The following COL4A2 variants were observed in gnomAD, a reference collection of about 807,000 sequenced individuals.
COL4A2 encodes the protein collagen type IV alpha 2 chain, also known as collagen alpha-2(IV) chain.
COL4A2 carries 99 observed loss-of-function variants against 200.2 expected under a neutral mutation model. The ratio of observed to expected loss-of-function variants is 0.49; its 90% CI spans 0.42 to 0.58. The LOEUF (loss-of-function observed/expected upper bound fraction) is 0.58. COL4A2 is among the 20% of genes least tolerant of loss of function. The pLI, the probability that COL4A2 is intolerant of heterozygous loss-of-function variation, is 0.00. For synonymous variants in COL4A2, 897 were observed against 900.6 expected (o/e 1.00, Z 0.07); for missense variants, 1,950 against 2,314.1 (o/e 0.84, Z 3.23).
chr13:110,356,932 A>C (rs1877299119), intron 3 of COL4A2, among the ~76,000 whole-genome samples: 1 of 151,930 alleles, frequency 6.6e-6, no homozygotes, highest in African/African-American at 2.4e-5. Flanking sequence ...CGCCTGGCTA[A>C]TTTTTGTATT....
chr13:110,493,348 G>A, intron 39 of COL4A2, 66 bp downstream of exon 39: 1 of 1,543,242 alleles, frequency 6.5e-7, no homozygotes. Flanking sequence ...TCTGTGCTGA[G>A]TCTGCCCTCC....
chr13:110,363,433 C>A (rs872587), intron 4 of COL4A2, among the ~76,000 whole-genome samples: 60,654 of 152,000 alleles, frequency 0.4, 12,242 homozygotes, highest in Middle Eastern at 0.56. Flanking sequence ...AAATTCAACA[C>A]TATAAATCAA....
At chr13:110,489,674 A>G in intron 35 of COL4A2, 37 bp from the exon 36 acceptor site, 1 of 1,613,270 alleles carries the variant, frequency 6.2e-7, no homozygotes, top group Non-Finnish European at 8.5e-7. Context: ...TCCCAGTGGA[A>G]AGTCCTGTTC....
At chr13:110,419,079 A>G (rs1199248059) in intron 4 of COL4A2, among the ~76,000 whole-genome samples, 1 of 152,254 alleles carries the variant, frequency 6.6e-6, no homozygotes, top group African/African-American at 2.4e-5. Context: ...GAGGATCACC[A>G]GGAATTGCAG....
rs375189584 is a variant in COL4A2, at chr13:110,415,238, A to G, written c.181-9496A>G. Among the ~76,000 whole-genome samples, 237 of 152,352 alleles carry G rather than the reference A, an allele frequency of 1.6e-3. 4 individuals carry two copies. In the South Asian group the frequency reaches 0.049, roughly 31 times the overall value. ...GTTATTTGTTGTGTCTGTTAATGACACACCAAATAACACACCAAAAAAAGT... is the reference window on the plus strand; with the variant it reads ...GTTATTTGTTGTGTCTGTTAATGACGCACCAAATAACACACCAAAAAAAGT... On this transcript the variant is annotated intron_variant, in intron 4 of 47. Transcript: ENST00000360467.
Position 110,438,810 on chromosome 13 carries a change from C to CCACA in COL4A2, c.912+153_912+156dup, listed in dbSNP as rs1555328888. On this transcript the variant is annotated intron_variant, in intron 15 of 47. Coordinates refer to ENST00000360467, the MANE Select transcript of COL4A2 (RefSeq NM_001846.4). ...TCCCGTTATTACTCCCCACCCCCCC[C>CCACA]CACACACACACACAGCAGCCCCCCA... The CCACA allele has an allele frequency of 7.3e-5, 48 of 653,964 alleles. 1 individual carries two copies. The highest frequency in any genetic ancestry group is 5.4e-4 in the African/African-American group (25 of 46,714). 40.5% of individuals were successfully genotyped at this position (653,964 alleles called of 1,614,324 possible).
At chr13:110,365,482 C>T (rs1214189456) in intron 4 of COL4A2, among the ~76,000 whole-genome samples, 3 of 152,136 alleles carry the variant, frequency 2.0e-5, no homozygotes, top group South Asian at 2.1e-4. Flanking sequence ...CATTGAATGG[C>T]GCACCAAAGT....
intron 3 of COL4A2, chr13:110,328,676 G>T (rs1041400890): frequency 6.6e-6 from 1 of 152,216 alleles, no homozygotes; most frequent in Admixed American, 6.5e-5. Flanking sequence ...AGACCAGCTT[G>T]CCCAGACTGC....
At chr13:110,479,898 C>T (rs943910983) in intron 30 of COL4A2, among the ~76,000 whole-genome samples, 5 of 152,208 alleles carry the variant, frequency 3.3e-5, no homozygotes, top group Admixed American at 2.0e-4. Flanking sequence ...AGTGACCATG[C>T]CCCAGCCAGA....
chr13:110,394,480 T>A (rs1370764796), intron 4 of COL4A2, among the ~76,000 whole-genome samples: 1 of 152,184 alleles, frequency 6.6e-6, no homozygotes, highest in African/African-American at 2.4e-5. Flanking sequence ...CATCATACCT[T>A]GGGGATGTTT....
chr13:110,458,958 G>A, intron 22 of COL4A2, 24 bp downstream of exon 22: 1 of 1,522,518 alleles, frequency 6.6e-7, no homozygotes, highest in Middle Eastern at 2.0e-4. Context: ...TCATCATGAA[G>A]CTGGCAAGAC....
intron 3 of COL4A2, among the ~76,000 whole-genome samples, chr13:110,325,675 C>G (rs778207003): frequency 1.3e-5 from 2 of 152,190 alleles, no homozygotes; most frequent in Non-Finnish European, 2.9e-5. Context: ...TTGCTTACCC[C>G]GGTAGGTGCT....
At chr13:110,448,738 T>C (rs1027444949) in intron 18 of COL4A2, among the ~76,000 whole-genome samples, 3 of 152,186 alleles carry the variant, frequency 2.0e-5, no homozygotes, top group Non-Finnish European at 4.4e-5. Context: ...CTAACAGGAG[T>C]GTAGGTCACA....
At chr13:110,468,045 T>G in intron 27 of COL4A2, 1 of 423,174 alleles carries the variant, frequency 2.4e-6, no homozygotes, top group South Asian at 1.8e-5. Flanking sequence ...TGCTTCCTGC[T>G]GCACAAATCA....
At chr13:110,422,428 A>C (rs1880288263) in intron 4 of COL4A2, among the ~76,000 whole-genome samples, 1 of 152,334 alleles carries the variant, frequency 6.6e-6, no homozygotes, top group East Asian at 1.9e-4. Context: ...CCTAGGTAGA[A>C]ACACAGTGGC....
rs370088110 is a variant in COL4A2, at chr13:110,308,034, A to T, written c.45-35A>T. The T allele has an allele frequency of 2.9e-4, 466 of 1,611,744 alleles. 6 individuals carry two copies. In the Middle Eastern group the frequency reaches 9.9e-3, roughly 34 times the overall value. On this transcript the variant is annotated intron_variant, in intron 2 of 47. Coordinates refer to ENST00000360467, the MANE Select transcript of COL4A2 (RefSeq NM_001846.4). The stretch of plus-strand genomic sequence containing the variant: ...TCGGGGACTGACAAGCCGGGCCCGC[A>T]CGTTCACGTCTCTCTTCCTCCCTTT...
At chr13:110,357,979 A>G (rs1192751490) in intron 4 of COL4A2, among the ~76,000 whole-genome samples, 1 of 152,210 alleles carries the variant, frequency 6.6e-6, no homozygotes, top group African/African-American at 2.4e-5. Context: ...ATCCATCAAC[A>G]CTGGGTCTTA....
At chr13:110,372,619 C>T (rs1878062380) in intron 4 of COL4A2, among the ~76,000 whole-genome samples, 1 of 152,162 alleles carries the variant, frequency 6.6e-6, no homozygotes, top group Non-Finnish European at 1.5e-5. Context: ...ATCTCTTCTC[C>T]TGTTGCCAAG....
At chr13:110,461,016 T>C (rs1358622924) in intron 22 of COL4A2, among the ~76,000 whole-genome samples, 3 of 152,166 alleles carry the variant, frequency 2.0e-5, no homozygotes, top group Non-Finnish European at 4.4e-5. Flanking sequence ...GGAAATAGCG[T>C]CAACCAAGAT....
Sources: allele counts gnomAD v4.1 joint callset (sites outside exome capture counted in the v4.1 genomes callset), GRCh38; gene constraint gnomAD v4.1.1; transcripts MANE v1.5; gene names NCBI Gene and HGNC (gene_info 2026-07-23, HGNC 2026-07-21).